TOX: variants seen among roughly 807,000 people sequenced by gnomAD.
The protein encoded by TOX is thymocyte selection-associated high mobility group box protein TOX.
TOX carries 11 observed loss-of-function variants against 53.7 expected under a neutral mutation model. The ratio of observed to expected loss-of-function variants is 0.20; its 90% confidence interval spans 0.13 to 0.34. TOX has a LOEUF of 0.34. Ranked by LOEUF, TOX falls within the 10% of genes least tolerant of loss-of-function variation. The pLI is 1.00. For synonymous variants in TOX, 225 were observed against 245.3 expected, an observed-to-expected ratio of 0.92 and a Z score of 0.77; for missense variants, 570 against 664.6, an observed-to-expected ratio of 0.86 and a Z score of 1.56.
chr8:58,959,922 A>G (rs773857010), intron 2 of TOX, 21 bp downstream of exon 2: 1 of 1,613,822 alleles, frequency 6.2e-7, no homozygotes, highest in Admixed American at 1.7e-5. Flanking sequence ...GAAACAAGGC[A>G]GAGAAGATTA....
chr8:58,967,738 T>G (rs1812931243), intron 1 of TOX, among the ~76,000 whole-genome samples: 1 of 152,330 alleles, frequency 6.6e-6, no homozygotes, highest in South Asian at 2.1e-4. Flanking sequence ...CTATGGCCAC[T>G]TGGAAATATA....
chr8:58,961,120 T>C (rs974572545), intron 1 of TOX, among the ~76,000 whole-genome samples: 4 of 152,190 alleles, frequency 2.6e-5, no homozygotes, highest in African/African-American at 7.2e-5. Context: ...AAAAATATTG[T>C]ACTATAGACA....
At chr8:59,080,950 T>G (rs1185831960) in intron 1 of TOX, among the ~76,000 whole-genome samples, 1 of 152,210 alleles carries the variant, frequency 6.6e-6, no homozygotes, top group Admixed American at 6.5e-5. Flanking sequence ...TGGTCGGTGT[T>G]CACCTGTGTG....
chr8:58,860,991 C>T (rs1811001497), intron 3 of TOX, among the ~76,000 whole-genome samples: 2 of 152,160 alleles, frequency 1.3e-5, no homozygotes, highest in Admixed American at 1.3e-4. Flanking sequence ...ATGTTTTTTA[C>T]TCAGATTGAG....
At chr8:58,975,264 C>CACA (rs764331571) in intron 1 of TOX, among the ~76,000 whole-genome samples, 189 of 147,940 alleles carry the variant, frequency 1.3e-3, no homozygotes, top group African/African-American at 4.4e-3. Context: ...ACACACACAC[C>CACA]CCCACACAGA....
chr8:58,951,915 T>C (rs1160718317), intron 2 of TOX, among the ~76,000 whole-genome samples: 1 of 152,230 alleles, frequency 6.6e-6, no homozygotes, highest in Non-Finnish European at 1.5e-5. Context: ...ATTAGGGTTA[T>C]AGTTACATTT....
At chr8:59,112,261 G>A (rs1399787484) in intron 1 of TOX, among the ~76,000 whole-genome samples, 1 of 152,168 alleles carries the variant, frequency 6.6e-6, no homozygotes, top group African/African-American at 2.4e-5. Context: ...ACCAGGAAAA[G>A]CTCATTCAGG....
intron 3 of TOX, among the ~76,000 whole-genome samples, chr8:58,876,182 A>G (rs1811280279): frequency 6.6e-6 from 1 of 152,098 alleles, no homozygotes; most frequent in African/African-American, 2.4e-5. Flanking sequence ...GAAGATTCTG[A>G]CAGATGATGT....
chr8:59,082,343 A>C (rs533623608), intron 1 of TOX, among the ~76,000 whole-genome samples: 3 of 152,366 alleles, frequency 2.0e-5, no homozygotes, highest in East Asian at 3.9e-4. Flanking sequence ...CAAGTTTTCC[A>C]TGAGGCCTTG....
intron 1 of TOX, among the ~76,000 whole-genome samples, chr8:58,977,328 C>T (rs1282633800): frequency 6.6e-6 from 1 of 152,192 alleles, no homozygotes. Flanking sequence ...CTTATCTCAA[C>T]CTTTATAGAA....
intron 1 of TOX, among the ~76,000 whole-genome samples, chr8:58,983,311 C>G (rs1376430849): frequency 3.3e-5 from 5 of 152,166 alleles, no homozygotes; most frequent in African/African-American, 1.2e-4. Context: ...TGGACTGTCC[C>G]CATGTGTTTG....
chr8:58,860,567 T>C (rs1585865267), intron 3 of TOX, among the ~76,000 whole-genome samples: 1 of 152,232 alleles, frequency 6.6e-6, no homozygotes, highest in Non-Finnish European at 1.5e-5. Context: ...CTGATGGTTC[T>C]CTTCGGTTAT....
intron 1 of TOX, among the ~76,000 whole-genome samples, chr8:58,990,061 T>C (rs947694959): frequency 6.6e-6 from 1 of 152,230 alleles, no homozygotes; most frequent in African/African-American, 2.4e-5. Flanking sequence ...CCAGGCTTCA[T>C]GCAATATTTA....
At chr8:58,908,799 A>C (rs956904962) in intron 3 of TOX, among the ~76,000 whole-genome samples, 1 of 152,242 alleles carries the variant, frequency 6.6e-6, no homozygotes, top group Middle Eastern at 3.2e-3. Flanking sequence ...TATTTCTGAC[A>C]AAGAGTTCTC....
At chr8:59,016,965 T>C (rs757891210) in intron 1 of TOX, among the ~76,000 whole-genome samples, 6 of 152,188 alleles carry the variant, frequency 3.9e-5, no homozygotes, top group Non-Finnish European at 5.9e-5. Context: ...TCACCTCCTC[T>C]AGCATGAAGG....
rs1004534851 is a variant in TOX, at chr8:58,853,151, G to C, written c.412-1346C>G. Among the ~76,000 whole-genome samples, 5 of 152,216 alleles carry C rather than the reference G, an allele frequency of 3.3e-5. 1 individual carries two copies. Among genetic ancestry groups the C allele is most frequent in the Non-Finnish European group, 5.9e-5 (4 of 68,016 alleles). On this transcript the variant is annotated intron_variant, in intron 3 of 8. Coordinates refer to ENST00000361421, the MANE Select transcript of TOX (RefSeq NM_014729.3). ...GCCTCCACCATGAGGCCTCTTATTA[G>C]TCAATTTCACTCCTTTAGCTCCTTT...
intron 3 of TOX, among the ~76,000 whole-genome samples, chr8:58,907,081 G>C (rs1164052579): frequency 6.6e-6 from 1 of 152,208 alleles, no homozygotes; most frequent in East Asian, 1.9e-4. Flanking sequence ...GGAGGGAAAA[G>C]ATCAGTCGAT....
chr8:59,096,127 A>G (rs1804708202), intron 1 of TOX, among the ~76,000 whole-genome samples: 1 of 152,250 alleles, frequency 6.6e-6, no homozygotes, highest in Non-Finnish European at 1.5e-5. Context: ...TTCTTATCAA[A>G]TTACTACTAA....
intron 1 of TOX, among the ~76,000 whole-genome samples, chr8:59,004,772 T>C (rs141601122): frequency 1.3e-5 from 2 of 152,300 alleles, no homozygotes; most frequent in East Asian, 3.9e-4. Context: ...TGCTTAGACA[T>C]CTACACTAAA....
Sources: allele counts gnomAD v4.1 joint callset (sites outside exome capture counted in the v4.1 genomes callset), GRCh38; gene constraint gnomAD v4.1.1; transcripts MANE v1.5; gene names NCBI Gene and HGNC (gene_info 2026-07-23, HGNC 2026-07-21).